TECTA: variants seen among roughly 807,000 people sequenced by gnomAD.
TECTA encodes the protein alpha-tectorin.
In TECTA, 128 loss-of-function variants were observed where a neutral mutation model predicts 216.8. That is an observed-to-expected ratio of 0.59 (90% CI 0.51 to 0.68). The LOEUF (loss-of-function observed/expected upper bound fraction) is 0.68, where lower values mean the gene tolerates loss of function less well. Ranked by LOEUF, TECTA falls within the 30% of genes least tolerant of loss-of-function variation. The pLI is 0.00. For missense variants in TECTA, 2,551 were observed against 2,786.2 expected (o/e 0.92, Z 1.90); for synonymous variants, 1,089 against 1,117.1 (o/e 0.97, Z 0.50).
In TECTA at chr11:121,125,719, G is replaced by A. The variant is rs370652301; in HGVS notation, c.1621G>A (p.Val541Met). 107 of 1,613,178 alleles carry A rather than the reference G, an allele frequency of 6.6e-5. No individual in the cohort carries two copies. The highest frequency in any genetic ancestry group is 6.6e-4 in the Middle Eastern group (4 of 6,082). ...DGPLWECGTV[V>M]DPTAFVHSCV... ...CCCTCTGTGGGAGTGTGGCACTGTC[G>A]TGGACCCCACTGCTTTTGTGCACAG... Residue 541 changes from valine to methionine, a missense_variant, in exon 8 of 24, where the codon GTG becomes ATG. Val to Met is a conservative substitution (Grantham distance 21, BLOSUM62 1). Transcript: ENST00000392793.
chr11:121,143,931 A>C (rs1946809750), intron 11 of TECTA, among the ~76,000 whole-genome samples: 1 of 152,192 alleles, frequency 6.6e-6, no homozygotes, highest in African/African-American at 2.4e-5. Flanking sequence ...TCATTGGCCA[A>C]GGACTACCCT....
Position 121,177,516 on chromosome 11 carries a change from G to T in TECTA, c.5999+8591G>T, listed in dbSNP as rs199686683. ...ATTTTCGTGAACCACAAATGCTGCT[G>T]TCTGATCGTTCCTCTGGAAGTTTTG... On this transcript the variant is annotated intron_variant, in intron 20 of 23. Transcript: ENST00000392793. 5.2e-4 allele frequency among the ~76,000 whole-genome samples: 79 copies of T among 152,328 alleles called. No individual in the cohort carries two copies. In the East Asian group the frequency reaches 8.7e-3, roughly 17 times the overall value.
rs145409989 is a variant in TECTA at position 121,158,411 on chromosome 11, T to C, written c.4689+187T>C. ...GTTTTAAGCCTGAGAATGGACACCATTTGGTTCTTGGCTGATGATTCCAAA... is the reference window on the plus strand; with the variant it reads ...GTTTTAAGCCTGAGAATGGACACCACTTGGTTCTTGGCTGATGATTCCAAA... On this transcript the variant is annotated intron_variant, in intron 14 of 23. Transcript: ENST00000392793. Among the ~76,000 whole-genome samples, 650 of 152,332 alleles carry C rather than the reference T, an allele frequency of 4.3e-3. 8 individuals are homozygous for C. The highest frequency in any genetic ancestry group is 0.015 in the African/African-American group (617 of 41,564).
At position 121,145,791 on chromosome 11, in the gene TECTA, A is replaced by ATCGAG. The variant is rs1308149309; in HGVS notation, c.3782_3786dup (p.Val1263ArgfsTer11). 1 of 1,614,102 alleles carries ATCGAG rather than the reference A, an allele frequency of 6.2e-7. No homozygotes were observed. Among genetic ancestry groups the ATCGAG allele is most frequent in the Admixed American group, 1.7e-5 (1 of 59,998 alleles). On this transcript the variant is annotated frameshift_variant, in exon 12 of 24. Transcript: ENST00000392793. LOFTEE classifies it high-confidence loss of function. ...TGGAGATGCCCATGGGTCTGCTTGC[A>ATCGAG]TCGAGTGTCAATGAGTTTGGGCAGA...
At position 121,189,799 on chromosome 11, in the gene TECTA, CAG is replaced by C; in HGVS notation, c.6288_6289del (p.Gln2096HisfsTer29). 1 of 1,613,948 alleles carries C rather than the reference CAG, an allele frequency of 6.2e-7. No individual in the cohort carries two copies. Among genetic ancestry groups the C allele is most frequent in the Non-Finnish European group, 8.5e-7 (1 of 1,179,962 alleles). ...GTGTGAGGACAATGGAGGGTGTGAG[CAG>C]ATTTGCACGAGCCGGGTGGATGGGC... ...DWCEDNGGCE[Q>X]ICTSRVDGPL... On this transcript the variant is annotated frameshift_variant, in exon 23 of 24. Coordinates refer to ENST00000392793, the MANE Select transcript of TECTA (RefSeq NM_005422.4). LOFTEE classifies it high-confidence loss of function.
At chr11:121,175,460 G>A (rs1425628773) in intron 20 of TECTA, among the ~76,000 whole-genome samples, 8 of 152,112 alleles carry the variant, frequency 5.3e-5, no homozygotes, top group African/African-American at 1.4e-4. Flanking sequence ...ACCCATAGTC[G>A]TTCAGGAGCA....
chr11:121,161,886 G>T (rs1328049604), intron 15 of TECTA, among the ~76,000 whole-genome samples, 189 bp from the exon 16 acceptor site: 1 of 151,934 alleles, frequency 6.6e-6, no homozygotes, highest in Admixed American at 6.6e-5. Context: ...TAAACAACAG[G>T]AATTACCGTT....
rs377104479 is a variant in TECTA, at chr11:121,162,137, T to C, written c.5039T>C (p.Val1680Ala). The change falls in exon 16 of 24, where the codon GTG (valine) becomes GCG (alanine). Residue 1680 changes from valine (V) to alanine (A), a missense_variant. Transcript: ENST00000392793. The stretch of plus-strand genomic sequence containing the variant: ...CAGTATGCAGCCATGTGTGACAATG[T>C]GCACATCCAGAAGATGCAGGGTGAT... The part of the protein sequence containing the change: ...FSQYAAMCDN[V>A]HIQKMQGDGY... 4.3e-6 allele frequency: 7 copies of C among 1,614,110 alleles called. No homozygotes were observed. The highest frequency in any genetic ancestry group is 5.9e-6 in the Non-Finnish European group (7 of 1,180,060).
At position 121,129,818 on chromosome 11, in the gene TECTA, G is replaced by C; in HGVS notation, c.2548G>C (p.Gly850Arg). ...TYFNCTGGLC[G>R]FYNANASDEF... ...CTTCAATTGCACAGGGGGCTTGTGC[G>C]GCTTCTACAATGCCAACGCCAGTGA... The change falls in exon 10 of 24, where the codon GGC (glycine) becomes CGC (arginine). Residue 850 changes from glycine (G) to arginine (R), a missense_variant. Around this residue, in one of 3 missense-constraint regions of TECTA, gnomAD observed 2,375 missense variants for 2,563.9 expected, o/e 0.93. Coordinates refer to ENST00000392793, the MANE Select transcript of TECTA (RefSeq NM_005422.4). 1 of 1,614,156 alleles carries C rather than the reference G, an allele frequency of 6.2e-7. No individual in the cohort carries two copies. The highest frequency in any genetic ancestry group is 2.2e-5 in the East Asian group (1 of 44,888).
chr11:121,178,236 C>T (rs1186749865), intron 20 of TECTA, among the ~76,000 whole-genome samples: 1 of 152,234 alleles, frequency 6.6e-6, no homozygotes, highest in African/African-American at 2.4e-5. Context: ...CCCAGTACCT[C>T]AGATGGAAAT....
intron 1 of TECTA, among the ~76,000 whole-genome samples, chr11:121,102,138 C>T (rs1946351866): frequency 6.6e-6 from 1 of 152,148 alleles, no homozygotes; most frequent in Admixed American, 6.5e-5. Context: ...GATGGATCGG[C>T]TCCATTCTAT....
chr11:121,150,708 C>T (rs1946882421), intron 12 of TECTA, among the ~76,000 whole-genome samples: 1 of 142,962 alleles, frequency 7.0e-6, no homozygotes, highest in Non-Finnish European at 1.5e-5. Flanking sequence ...TGCAGTGGCA[C>T]GATCTCAGCT....
intron 3 of TECTA, among the ~76,000 whole-genome samples, chr11:121,108,063 G>A (rs924562239): frequency 6.6e-6 from 1 of 152,018 alleles, no homozygotes; most frequent in African/African-American, 2.4e-5. Flanking sequence ...GACTGGAGTT[G>A]GATGAAGGAG....
chr11:121,127,942 C>G lies in TECTA; in HGVS notation c.1965C>G (p.Asp655Glu). The G allele has an allele frequency of 6.2e-7, 1 of 1,614,176 alleles. No individual in the cohort carries two copies. The highest frequency in any genetic ancestry group is 1.1e-5 in the South Asian group (1 of 91,090). The change falls in exon 9 of 24, where the codon GAC becomes GAG. Residue 655 changes from aspartate (D) to glutamate (E), a missense_variant. Physicochemically the swap from Asp to Glu is conservative, Grantham distance 45. Coordinates refer to ENST00000392793, the MANE Select transcript of TECTA (RefSeq NM_005422.4). The surrounding 1 kb of genome is among the most constrained non-coding windows in gnomAD (Gnocchi z 5.0). Reference sequence around the variant, plus strand: ...TGCACAAGTGCGGCTGCGACTTCGACGGCCACTACTACACCATGGGGGAGT... The same window carrying G: ...TGCACAAGTGCGGCTGCGACTTCGAGGGCCACTACTACACCATGGGGGAGT... ...VPLHKCGCDFDGHYYTMGEFF... is the reference protein window; with the variant it reads ...VPLHKCGCDFEGHYYTMGEFF...
At chr11:121,112,774 G>C (rs1024777638) in intron 4 of TECTA, among the ~76,000 whole-genome samples, 1 of 152,178 alleles carries the variant, frequency 6.6e-6, no homozygotes, top group Non-Finnish European at 1.5e-5. Context: ...ATTATCACAC[G>C]CTTAGCCGGG....
chr11:121,103,103 A>C (rs1441461494), intron 2 of TECTA, among the ~76,000 whole-genome samples: 2 of 152,204 alleles, frequency 1.3e-5, no homozygotes, highest in Non-Finnish European at 2.9e-5. Context: ...GACTTTAAAG[A>C]ATCTACTTAT....
At chr11:121,158,256 G>T (rs1294436828) in intron 14 of TECTA, 32 bp downstream of exon 14, 1 of 1,606,650 alleles carries the variant, frequency 6.2e-7, no homozygotes, top group South Asian at 1.1e-5. Context: ...CTTAAGAAGG[G>T]GCCCGGAAAC....
In TECTA at chr11:121,157,962, T is replaced by A; in HGVS notation, c.4427T>A (p.Val1476Glu). 1 of 1,613,702 alleles carries A rather than the reference T, an allele frequency of 6.2e-7. No individual in the cohort carries two copies. The highest frequency in any genetic ancestry group is 8.5e-7 in the Non-Finnish European group (1 of 1,179,978). ...GAGGAGTGTGCGCTGCGCAACGGGG[T>A]GCGCGGCTGCTTCAGCACCAAGACC... Reference protein sequence around the residue: ...SDEECALRNGVRGCFSTKTSY... With the variant: ...SDEECALRNGERGCFSTKTSY... The change falls in exon 14 of 24, where the codon GTG becomes GAG. Residue 1476 changes from valine (V) to glutamate (E), a missense_variant. Coordinates refer to ENST00000392793, the MANE Select transcript of TECTA (RefSeq NM_005422.4).
rs1946620625 is a variant in TECTA, at chr11:121,127,134, A to C, written c.1775-618A>C. On this transcript the variant is annotated intron_variant, in intron 8 of 23. Transcript: ENST00000392793. The surrounding 1 kb of genome is among the most constrained non-coding windows in gnomAD (Gnocchi z 5.0). ...TTCTAAGGCAAGAAGGGCCTTTAGA[A>C]GACATCTTACCTTGTCTCCTGGAGA... Among the ~76,000 whole-genome samples, 1 of 152,236 alleles carries C rather than the reference A, an allele frequency of 6.6e-6. No homozygotes were observed. The highest frequency in any genetic ancestry group is 1.5e-5 in the Non-Finnish European group (1 of 68,050).
Sources: gnomAD v4.1 joint callset for allele counts (sites outside exome capture counted in the v4.1 genomes callset) on GRCh38, gnomAD v4.1.1 for gene constraint, gnomAD v4.1.1 regional missense constraint, Gnocchi (gnomAD v3.1) non-coding constraint, MANE v1.5 for transcripts, NCBI Gene and HGNC (gene_info 2026-07-23, HGNC 2026-07-21) for gene names.